The following CFAP92 variants were observed in gnomAD, a reference collection of about 807,000 sequenced individuals.
CFAP92 encodes the protein cilia and flagella associated protein 92 (putative), also known as uncharacterized protein CFAP92.
CFAP92 carries 86 observed loss-of-function variants against 106.3 expected under a neutral mutation model. The ratio of observed to expected loss-of-function variants is 0.81; its 90% CI spans 0.68 to 0.97. The LOEUF (loss-of-function observed/expected upper bound fraction) is 0.97. Ranked by LOEUF, CFAP92 falls within the 50% of genes least tolerant of loss-of-function variation. The pLI is 0.00. For synonymous variants in CFAP92, 477 were observed against 506.4 expected, an observed-to-expected ratio of 0.94 and a Z score of 0.78; for missense variants, 1,204 against 1,283.8, an observed-to-expected ratio of 0.94 and a Z score of 0.95.
At position 128,987,638 on chromosome 3, in the gene CFAP92, G is replaced by A. The variant is rs781683095; in HGVS notation, c.645C>T (p.Asp215=). ...CACCTGACTTATGAAAAGCTCCCAC[G>A]TCGTCTGTGAAGCCGGCAGTCTTTA... ...YRLKTAGFTD[D]VGAFHKSEVR... Residue 215 remains aspartate, a synonymous_variant, in exon 4 of 16, where the codon GAC becomes GAT. Coordinates refer to ENST00000645291, the MANE Select transcript of CFAP92 (RefSeq NM_001394090.1). 1.2e-5 allele frequency: 19 copies of A among 1,613,842 alleles called. No individual in the cohort carries two copies. Among genetic ancestry groups the A allele is most frequent in the South Asian group, 7.7e-5 (7 of 91,088 alleles).
In CFAP92 at chr3:128,993,119, G is replaced by A; in HGVS notation, c.186C>T (p.Ala62=). 6.2e-7 allele frequency: 1 copy of A among 1,614,092 alleles called. No homozygotes were observed. Among genetic ancestry groups the A allele is most frequent in the East Asian group, 2.2e-5 (1 of 44,886 alleles). The change falls in exon 2 of 16, where the codon GCC becomes GCT. Residue 62 remains alanine, a synonymous_variant. Transcript: ENST00000645291. ...GGGGCACGTCGGAGCTGAAAGTGCT[G>A]GCAGGCTCAGATGAGGACTCGATGC... ...CSSIESSSEP[A]STFSSDVPHV...
intron 1 of CFAP92, among the ~76,000 whole-genome samples, chr3:128,999,796 G>A (rs1944635728): frequency 6.6e-6 from 1 of 151,992 alleles, no homozygotes; most frequent in African/African-American, 2.4e-5. Context: ...ACCCGCCTCG[G>A]CCTCCCAAAG....
At position 128,915,119 on chromosome 3, in the gene CFAP92, CTGTTACA is replaced by C; in HGVS notation, c.3273_3279del (p.Val1092SerfsTer88). 6.5e-7 allele frequency: 1 copy of C among 1,535,640 alleles called. No homozygotes were observed. Among genetic ancestry groups the C allele is most frequent in the Non-Finnish European group, 8.7e-7 (1 of 1,146,688 alleles). On this transcript the variant is annotated frameshift_variant and splice_region_variant, in exon 15 of 16. Transcript: ENST00000645291. LOFTEE classifies it low-confidence loss of function (END_TRUNC). ...AGCTTGGCAAACCCTTGCCTGTTACCTGTTACAGGCTTTGGTGCGGGCGAAGGGAGCA... is the reference window on the plus strand; with the variant it reads ...AGCTTGGCAAACCCTTGCCTGTTACCGGCTTTGGTGCGGGCGAAGGGAGCA...
intron 10 of CFAP92, among the ~76,000 whole-genome samples, chr3:128,940,493 T>C (rs1378154606): frequency 6.6e-6 from 1 of 152,238 alleles, no homozygotes; most frequent in Admixed American, 6.5e-5. Flanking sequence ...CTTGTCATTA[T>C]TGGACTTTTG....
At chr3:128,975,596 G>A (rs928684313) in intron 7 of CFAP92, among the ~76,000 whole-genome samples, 183 bp downstream of exon 7, 1 of 152,058 alleles carries the variant, frequency 6.6e-6, no homozygotes, top group Non-Finnish European at 1.5e-5. Context: ...GGGGATGGGT[G>A]GATGGATGGA....
intron 12 of CFAP92, among the ~76,000 whole-genome samples, chr3:128,929,250 C>T (rs1425665417): frequency 1.3e-5 from 2 of 152,140 alleles, no homozygotes; most frequent in Non-Finnish European, 2.9e-5. Context: ...TGGCTATAAT[C>T]AAAAGGACGG....
intron 1 of CFAP92, chr3:129,002,316 G>A: frequency 6.6e-7 from 1 of 1,522,144 alleles, no homozygotes; most frequent in Non-Finnish European, 8.8e-7. Context: ...GCGCTGCCTA[G>A]CACTGCAGGT....
chr3:128,937,300 T>C (rs1576442484), intron 10 of CFAP92, among the ~76,000 whole-genome samples: 1 of 126,040 alleles, frequency 7.9e-6, no homozygotes, highest in Non-Finnish European at 1.6e-5. Flanking sequence ...GTGACAGAGA[T>C]AGACCCTGTC....
intron 11 of CFAP92, among the ~76,000 whole-genome samples, chr3:128,933,333 A>T (rs1444649845): frequency 6.6e-6 from 1 of 152,182 alleles, no homozygotes; most frequent in Non-Finnish European, 1.5e-5. Flanking sequence ...TGTAGAGCAC[A>T]GAGCCTTCCG....
intron 4 of CFAP92, among the ~76,000 whole-genome samples, chr3:128,983,200 G>A: frequency 6.6e-6 from 1 of 152,180 alleles, no homozygotes; most frequent in Non-Finnish European, 1.5e-5. Flanking sequence ...CTGTTCTCCT[G>A]GAGCTGCTGC....
At chr3:129,017,945 CA>C in the CFAP92 span, among the ~76,000 whole-genome samples, 2 of 152,102 alleles carry the variant, frequency 1.3e-5, no homozygotes, top group South Asian at 4.1e-4. Flanking sequence ...CTGTACCAGC[CA>C]GGAAGTTATG....
At chr3:128,942,612 C>G (rs1939752470) in intron 10 of CFAP92, among the ~76,000 whole-genome samples, 1 of 152,222 alleles carries the variant, frequency 6.6e-6, no homozygotes, top group Non-Finnish European at 1.5e-5. Context: ...CTCCCAGGAG[C>G]CAAGGGCAGA....
chr3:128,937,248 CCCTTGTACCGCTGCAGTGAG>C (rs1386603921), intron 10 of CFAP92, among the ~76,000 whole-genome samples: 1 of 149,476 alleles, frequency 6.7e-6, no homozygotes, highest in African/African-American at 2.5e-5. Flanking sequence ...TTGCAGTGAG[CCCTTGTACCGCTGCAGTGAG>C]CCTTTGTACC....
chr3:128,932,820 C>A lies in CFAP92; in HGVS notation c.2631G>T (p.Glu877Asp). ...ALPPQPAPNL[E>D]DYHSRNSTLT... ...GGGTGGAGTTCCGACTGTGGTAGTCCTCAAGATTGGGGGCAGGCTGAGGTG... is the reference window on the plus strand; with the variant it reads ...GGGTGGAGTTCCGACTGTGGTAGTCATCAAGATTGGGGGCAGGCTGAGGTG... Residue 877 changes from glutamate to aspartate, a missense_variant, in exon 12 of 16, where the codon GAG becomes GAT. Glu to Asp is a conservative substitution (Grantham distance 45). Coordinates refer to ENST00000645291, the MANE Select transcript of CFAP92 (RefSeq NM_001394090.1). The A allele has an allele frequency of 3.9e-6, 6 of 1,536,210 alleles. No homozygotes were observed. The highest frequency in any genetic ancestry group is 5.2e-6 in the Non-Finnish European group (6 of 1,146,918).
chr3:129,015,608 G>A, the CFAP92 span, among the ~76,000 whole-genome samples: 14 of 152,130 alleles, frequency 9.2e-5, no homozygotes, highest in African/African-American at 3.4e-4. Context: ...CTGAGTGTCC[G>A]TGTCTGCTCG....
rs1213920948 is a variant in CFAP92 at position 128,935,152 on chromosome 3, C to T, written c.2426G>A (p.Arg809Gln). The T allele has an allele frequency of 2.2e-5, 33 of 1,533,890 alleles. No homozygotes were observed. Among genetic ancestry groups the T allele is most frequent in the Admixed American group, 1.4e-4 (7 of 50,826 alleles). The change falls in exon 11 of 16, where the codon CGG (arginine) becomes CAG (glutamine). Residue 809 changes from arginine (R) to glutamine (Q), a missense_variant. Coordinates refer to ENST00000645291, the MANE Select transcript of CFAP92 (RefSeq NM_001394090.1). ...QAVFFLRDTERRRVFQALARI... is the reference protein window; with the variant it reads ...QAVFFLRDTEQRRVFQALARI... ...GGCTAGAGCCTGGAAGACCCGCCTCCGCTCAGTGTCTCGCAGGAAGAACAC... is the reference window on the plus strand; with the variant it reads ...GGCTAGAGCCTGGAAGACCCGCCTCTGCTCAGTGTCTCGCAGGAAGAACAC...
intron 12 of CFAP92, among the ~76,000 whole-genome samples, chr3:128,928,841 GAAAA>G (rs200701933): frequency 6.6e-6 from 1 of 151,206 alleles, no homozygotes; most frequent in Non-Finnish European, 1.5e-5. Context: ...ATACCATTAA[GAAAA>G]AAAAGAAAAG....
chr3:128,961,372 C>T (rs960399759), intron 9 of CFAP92, among the ~76,000 whole-genome samples: 3 of 152,116 alleles, frequency 2.0e-5, no homozygotes, highest in Admixed American at 6.5e-5. Flanking sequence ...TCTTCCTTTT[C>T]TACAGACCCA....
At chr3:128,964,217 A>G (rs934933395) in intron 9 of CFAP92, among the ~76,000 whole-genome samples, 1 of 152,220 alleles carries the variant, frequency 6.6e-6, no homozygotes, top group African/African-American at 2.4e-5. Flanking sequence ...AAGGTCTTTT[A>G]AAAACACAGC....
Sources: gnomAD v4.1 joint callset for allele counts (sites outside exome capture counted in the v4.1 genomes callset) on GRCh38, gnomAD v4.1.1 for gene constraint, MANE v1.5 for transcripts, NCBI Gene and HGNC (gene_info 2026-07-23, HGNC 2026-07-21) for gene names.